LTF: variants seen among roughly 807,000 people sequenced by gnomAD.
LTF encodes the protein lactotransferrin.
In LTF, 91 loss-of-function variants were observed where a neutral mutation model predicts 87.2. The ratio of observed to expected loss-of-function variants is 1.04; its 90% CI spans 0.88 to 1.24. LTF has a LOEUF of 1.24. Among genes scored for constraint, LTF ranks in the 50% most tolerant of loss-of-function variants. The probability of loss-of-function intolerance (pLI) is 0.00; values close to 1 mark genes in which losing one functional copy is unlikely to be tolerated. For synonymous variants in LTF, 378 were observed against 356.1 expected (o/e 1.06, Z -0.69); for missense variants, 901 against 904.3 (o/e 1.00, Z 0.05).
At chr3:46,475,085 A>G (rs887684915) in intron 1 of LTF, among the ~76,000 whole-genome samples, 1 of 152,190 alleles carries the variant, frequency 6.6e-6, no homozygotes, top group African/African-American at 2.4e-5. Flanking sequence ...CAAGCAAAAG[A>G]AAGAAAACAG....
At chr3:46,483,602 G>T (rs141365530) in intron 1 of LTF, among the ~76,000 whole-genome samples, 3 of 152,268 alleles carry the variant, frequency 2.0e-5, no homozygotes, top group Non-Finnish European at 2.9e-5. Context: ...AGATAGGGGA[G>T]TGTTAACCTT....
chr3:46,439,579 A>C, intron 14 of LTF, 99 bp from the exon 15 acceptor site: 3 of 992,282 alleles, frequency 3.0e-6, no homozygotes. Flanking sequence ...TCCCAAATGC[A>C]CACACTGGGG....
intron 1 of LTF, among the ~76,000 whole-genome samples, chr3:46,477,130 G>C (rs760813291): frequency 3.9e-5 from 6 of 152,228 alleles, no homozygotes; most frequent in Non-Finnish European, 5.9e-5. Flanking sequence ...ATGTATATGA[G>C]AGTTCTAGGG....
At chr3:46,438,265 A>T in intron 15 of LTF, 136 bp from the exon 16 acceptor site, 1 of 738,480 alleles carries the variant, frequency 1.4e-6, no homozygotes, top group Admixed American at 2.6e-5. Flanking sequence ...TTCTGGAGTC[A>T]TTCCACCTCC....
intron 9 of LTF, 107 bp downstream of exon 9, chr3:46,448,756 C>T: frequency 7.3e-7 from 1 of 1,371,824 alleles, no homozygotes; most frequent in Non-Finnish European, 9.9e-7. Context: ...CCCTGCCTCA[C>T]CCAGGCCCCC....
chr3:46,467,668 G>A (rs143419146), upstream of LTF, among the ~76,000 whole-genome samples: 95 of 118,364 alleles, frequency 8.0e-4, no homozygotes, highest in East Asian at 4.7e-3. Flanking sequence ...TTTTTTTACC[G>A]ACAGGGTCTC....
At chr3:46,449,595 G>C (rs1395870826) in intron 8 of LTF, among the ~76,000 whole-genome samples, 3 of 152,198 alleles carry the variant, frequency 2.0e-5, no homozygotes, top group Non-Finnish European at 2.9e-5. Flanking sequence ...CTTTGTTCAT[G>C]TTCATGTTTC....
chr3:46,446,346 G>T, intron 11 of LTF, 94 bp downstream of exon 11: 1 of 997,710 alleles, frequency 1.0e-6, no homozygotes, highest in Non-Finnish European at 1.5e-6. Context: ...TTCTAGGGCT[G>T]CAATTCTTTC....
chr3:46,454,751 T>C (rs1211165261), intron 5 of LTF, among the ~76,000 whole-genome samples: 4 of 151,794 alleles, frequency 2.6e-5, no homozygotes, highest in Admixed American at 2.6e-4. Flanking sequence ...AAAAATACGC[T>C]AGTGCCAGCA....
At position 46,436,118 on chromosome 3, in the gene LTF, CA is replaced by C; in HGVS notation, c.*76del. 1 of 1,461,202 alleles carries C rather than the reference CA, an allele frequency of 6.8e-7. No individual in the cohort carries two copies. The highest frequency in any genetic ancestry group is 9.6e-7 in the Non-Finnish European group (1 of 1,041,218). 90.5% of individuals were successfully genotyped at this position (1,461,202 alleles called of 1,614,324 possible). On this transcript the variant is annotated 3_prime_UTR_variant, in exon 17 of 17. Coordinates refer to ENST00000231751, the MANE Select transcript of LTF (RefSeq NM_002343.6). ...CCTTCAGCAGGGGAGGCCAAGGCCC[CA>C]ACACACCTGGGGAGAAGAGCTGGGG... is the stretch of plus-strand genomic sequence containing the variant.
At chr3:46,467,531 C>A (rs1214867444), upstream of LTF, among the ~76,000 whole-genome samples, 7 of 152,074 alleles carry the variant, frequency 4.6e-5, no homozygotes, top group Admixed American at 3.3e-4. Context: ...AACAACCAAA[C>A]AAGTAAAGGC....
At chr3:46,482,802 G>GGAAAGAAAGAAAGAAA (rs34589936) in intron 1 of LTF, among the ~76,000 whole-genome samples, 3 of 131,092 alleles carry the variant, frequency 2.3e-5, no homozygotes, top group African/African-American at 8.7e-5. Flanking sequence ...AAAGAAGGAA[G>GGAAAGAAAGAAAGAAA]GAAAGAAAGA....
intron 1 of LTF, 150 bp downstream of exon 1, chr3:46,464,675 G>A: frequency 1.3e-6 from 1 of 772,236 alleles, no homozygotes; most frequent in Admixed American, 2.9e-5. Flanking sequence ...CTGGCCCCGC[G>A]TCCGGGCCGC....
Position 46,455,970 on chromosome 3 carries a change from T to G in LTF, c.325A>C (p.Thr109Pro), listed in dbSNP as rs1702919727. 1.3e-6 allele frequency: 2 copies of G among 1,581,524 alleles called. No individual in the cohort carries two copies. Among genetic ancestry groups the G allele is most frequent in the African/African-American group, 2.7e-5 (2 of 73,784 alleles). ...EVYGTERQPR[T>P]HYYAVAVVKK... ...ACCACAGCCACGGCATAATAGTGAG[T>G]TCGTGGCTCTGCAAAGGGGCAGACA... is the stretch of plus-strand genomic sequence containing the variant. The change falls in exon 4 of 17, where the codon ACT becomes CCT. Residue 109 changes from threonine to proline, a missense_variant. Transcript: ENST00000231751.
At chr3:46,465,563 A>G (rs540588597), upstream of LTF, among the ~76,000 whole-genome samples, 1 of 151,436 alleles carries the variant, frequency 6.6e-6, no homozygotes, top group Non-Finnish European at 1.5e-5. Flanking sequence ...TTATTTGCCA[A>G]TGAGAAAGAT....
chr3:46,467,212 G>GCATT (rs10663529), upstream of LTF, among the ~76,000 whole-genome samples: 94,713 of 150,134 alleles, frequency 0.63, 30,658 homozygotes, highest in South Asian at 0.77. Context: ...TCTATTAACA[G>GCATT]CATTCATTCA....
At chr3:46,441,657 C>G in intron 13 of LTF, 174 bp from the exon 14 acceptor site, 1 of 572,892 alleles carries the variant, frequency 1.7e-6, no homozygotes, top group South Asian at 2.4e-5. Flanking sequence ...TGTACCTGCC[C>G]TCCTTTTAAA....
At chr3:46,453,602 G>A (rs563475261) in intron 6 of LTF, among the ~76,000 whole-genome samples, 2 of 152,286 alleles carry the variant, frequency 1.3e-5, no homozygotes, top group African/African-American at 4.8e-5. Flanking sequence ...GTGGCCCTGG[G>A]TGGAATATAG....
At chr3:46,467,647 T>TC (rs1289476733), upstream of LTF, among the ~76,000 whole-genome samples, 2 of 98,938 alleles carry the variant, frequency 2.0e-5, no homozygotes, top group Non-Finnish European at 3.4e-5. Flanking sequence ...TTCTTTTCTT[T>TC]TTTTTTTTTT....
Sources: allele counts gnomAD v4.1 joint callset (sites outside exome capture counted in the v4.1 genomes callset), GRCh38; gene constraint gnomAD v4.1.1; transcripts MANE v1.5; gene names NCBI Gene and HGNC (gene_info 2026-07-23, HGNC 2026-07-21).